The following CSNK1G1 variants were observed in gnomAD, a reference collection of about 807,000 sequenced individuals.
CSNK1G1 encodes the protein casein kinase I isoform gamma-1.
A neutral mutation model predicts 59.6 loss-of-function variants in CSNK1G1; 22 were observed. That is an observed-to-expected ratio of 0.37 (90% CI 0.26 to 0.53). CSNK1G1 has a LOEUF of 0.53. Ranked by LOEUF, CSNK1G1 falls within the 20% of genes least tolerant of loss-of-function variation. CSNK1G1 has a pLI of 0.89. For synonymous variants in CSNK1G1, 179 were observed against 177.1 expected (o/e 1.01, Z -0.08); for missense variants, 384 against 519.5 (o/e 0.74, Z 2.54).
chr15:64,304,694 T>C (rs1023984411), intron 1 of CSNK1G1, among the ~76,000 whole-genome samples: 4 of 152,228 alleles, frequency 2.6e-5, no homozygotes, highest in African/African-American at 9.6e-5. Flanking sequence ...ATATTTCAGA[T>C]TCTCATATAT....
intron 1 of CSNK1G1, among the ~76,000 whole-genome samples, chr15:64,337,746 T>C (rs1005148976): frequency 2.6e-5 from 4 of 152,204 alleles, no homozygotes; most frequent in African/African-American, 9.7e-5. Context: ...CCAGTATCTA[T>C]ACCCAAAATA....
At chr15:64,316,535 C>CAAAAAAAAAA (rs66620488) in intron 1 of CSNK1G1, among the ~76,000 whole-genome samples, 3 of 94,080 alleles carry the variant, frequency 3.2e-5, no homozygotes, top group Admixed American at 1.2e-4. Context: ...GACTCTGTCT[C>CAAAAAAAAAA]AAAAAAAAAA....
chr15:64,227,230 CT>C (rs1379781122), intron 4 of CSNK1G1, among the ~76,000 whole-genome samples: 1 of 152,168 alleles, frequency 6.6e-6, no homozygotes, highest in East Asian at 1.9e-4. Flanking sequence ...ATTGATTTTT[CT>C]GAGTTCTTGC....
intron 4 of CSNK1G1, among the ~76,000 whole-genome samples, chr15:64,220,884 C>G (rs2082380298): frequency 1.3e-5 from 2 of 152,124 alleles, no homozygotes; most frequent in African/African-American, 4.8e-5. Flanking sequence ...AAAATTCTTT[C>G]AAGAGAGATG....
At position 64,300,266 on chromosome 15, in the gene CSNK1G1, C is replaced by T. The variant is rs1895254049; in HGVS notation, c.181+53G>A. On this transcript the variant is annotated intron_variant, in intron 2 of 11. Coordinates refer to ENST00000303052, the MANE Select transcript of CSNK1G1 (RefSeq NM_022048.5). Reference sequence around the variant, plus strand: ...CGGCTTGTCTTGAAACACACCAAAGCTTATCATAGGTATTGTTGTTAGTAG... The same window carrying T: ...CGGCTTGTCTTGAAACACACCAAAGTTTATCATAGGTATTGTTGTTAGTAG... The T allele has an allele frequency of 7.2e-6, 11 of 1,528,514 alleles. 1 individual carries two copies. In the African/African-American group the frequency reaches 1.1e-4, roughly 15 times the overall value. 94.7% of individuals were successfully genotyped at this position (1,528,514 alleles called of 1,614,324 possible). A position where few individuals can be genotyped will look rare whatever the true frequency, so the allele number is the denominator to read the frequency against.
intron 2 of CSNK1G1, among the ~76,000 whole-genome samples, chr15:64,290,470 A>C (rs960300959): frequency 6.6e-6 from 1 of 152,176 alleles, no homozygotes; most frequent in African/African-American, 2.4e-5. Context: ...TAAGTGAAAC[A>C]ACTCAGAAAC....
chr15:64,347,564 A>G (rs2140487150), intron 1 of CSNK1G1, among the ~76,000 whole-genome samples: 1 of 147,672 alleles, frequency 6.8e-6, no homozygotes, highest in East Asian at 2.0e-4. Flanking sequence ...CAGCCTGGTC[A>G]ACATAGCAAC....
chr15:64,169,106 C>A lies in CSNK1G1; in HGVS notation c.*2825G>T, dbSNP rs2081635510. Reference sequence around the variant, plus strand: ...AGCTGCAAGGCAGCTTGCCCTGCAGCCAAGCTGGTCAGTGCCTTTGCTTTT... The same window carrying A: ...AGCTGCAAGGCAGCTTGCCCTGCAGACAAGCTGGTCAGTGCCTTTGCTTTT... On this transcript the variant is annotated 3_prime_UTR_variant, in exon 12 of 12. Transcript: ENST00000303052. The A allele has an allele frequency of 6.6e-6, 1 of 152,616 alleles. No individual in the cohort carries two copies. The highest frequency in any genetic ancestry group is 1.5e-5 in the Non-Finnish European group (1 of 68,096). 9.5% of individuals were successfully genotyped at this position (152,616 alleles called of 1,614,324 possible). A position where few individuals can be genotyped will look rare whatever the true frequency, so the allele number is the denominator to read the frequency against.
chr15:64,281,696 T>A (rs1306426482), intron 2 of CSNK1G1, among the ~76,000 whole-genome samples: 1 of 151,284 alleles, frequency 6.6e-6, no homozygotes, highest in African/African-American at 2.4e-5. Flanking sequence ...AAAAATTAGC[T>A]GGGCGTGGTG....
chr15:64,325,222 T>G (rs1393520444), intron 1 of CSNK1G1, among the ~76,000 whole-genome samples: 1 of 152,236 alleles, frequency 6.6e-6, no homozygotes, highest in Non-Finnish European at 1.5e-5. Flanking sequence ...AAGTGGTTGT[T>G]AGTGATATTT....
intron 1 of CSNK1G1, among the ~76,000 whole-genome samples, chr15:64,326,884 T>C (rs1896872264): frequency 6.6e-6 from 1 of 150,548 alleles, no homozygotes; most frequent in African/African-American, 2.4e-5. Flanking sequence ...GTCAGGGAGT[T>C]CCCTTTCCGA....
chr15:64,350,358 G>A (rs373844710), intron 1 of CSNK1G1, among the ~76,000 whole-genome samples: 9 of 151,974 alleles, frequency 5.9e-5, no homozygotes, highest in Non-Finnish European at 1.2e-4. Context: ...AAAATTAGCC[G>A]GGTGTGGTGG....
At chr15:64,238,222 T>G (rs2082641114) in intron 4 of CSNK1G1, among the ~76,000 whole-genome samples, 1 of 151,920 alleles carries the variant, frequency 6.6e-6, no homozygotes, top group Non-Finnish European at 1.5e-5. Flanking sequence ...GGATAATGTG[T>G]GGATGGCTCT....
intron 1 of CSNK1G1, among the ~76,000 whole-genome samples, chr15:64,306,552 C>A (rs116769674): frequency 5.8e-4 from 89 of 152,214 alleles, no homozygotes; most frequent in African/African-American, 2.1e-3. Flanking sequence ...CAAAATGGTA[C>A]GGCTATTTTG....
chr15:64,268,063 ACAATAGC>A lies in CSNK1G1; in HGVS notation c.182-8829_182-8823del, dbSNP rs1485229047. Among the ~76,000 whole-genome samples, 7 of 152,364 alleles carry A rather than the reference ACAATAGC, an allele frequency of 4.6e-5. No homozygotes were observed. The South Asian group carries it at 6.2e-4, about 14-fold the overall frequency. ...CTCCCATGTTTACTGCAGCATATTG[ACAATAGC>A]CAAGATATGAAATCAACCTAAGTGT... is the stretch of plus-strand genomic sequence containing the variant. On this transcript the variant is annotated intron_variant, in intron 2 of 11. Transcript: ENST00000303052.
intron 1 of CSNK1G1, among the ~76,000 whole-genome samples, chr15:64,355,443 G>C (rs913904999): frequency 6.6e-6 from 1 of 152,228 alleles, no homozygotes; most frequent in Non-Finnish European, 1.5e-5. Context: ...AGTAAAGGAA[G>C]AAGTGGGGGA....
intron 2 of CSNK1G1, among the ~76,000 whole-genome samples, chr15:64,279,126 T>G (rs1464481054): frequency 6.6e-6 from 1 of 152,246 alleles, no homozygotes; most frequent in Non-Finnish European, 1.5e-5. Flanking sequence ...TTTTTCTTTT[T>G]TACTGAGGTA....
At chr15:64,250,317 G>A (rs992730929) in intron 4 of CSNK1G1, among the ~76,000 whole-genome samples, 2 of 152,004 alleles carry the variant, frequency 1.3e-5, no homozygotes, top group Non-Finnish European at 2.9e-5. Context: ...GGGCTCCCTG[G>A]GTTATAACTA....
chr15:64,241,605 C>G (rs1010454996), intron 4 of CSNK1G1, among the ~76,000 whole-genome samples: 2 of 152,098 alleles, frequency 1.3e-5, no homozygotes, highest in African/African-American at 4.8e-5. Flanking sequence ...TAACAAATAT[C>G]TTTTCTGACC....
Sources: gnomAD v4.1 joint callset for allele counts (sites outside exome capture counted in the v4.1 genomes callset) on GRCh38, gnomAD v4.1.1 for gene constraint, MANE v1.5 for transcripts, NCBI Gene and HGNC (gene_info 2026-07-23, HGNC 2026-07-21) for gene names.